GLYR1: variants seen among roughly 807,000 people sequenced by gnomAD.
The protein encoded by GLYR1 is cytokine-like nuclear factor N-PAC.
A neutral mutation model predicts 72.7 loss-of-function variants in GLYR1; 21 were observed. That is an observed-to-expected ratio of 0.29 (90% CI 0.20 to 0.42). The LOEUF is 0.42. Ranked by LOEUF, GLYR1 falls within the 10% of genes least tolerant of loss-of-function variation. The probability of loss-of-function intolerance (pLI) is 1.00; values close to 1 mark genes in which losing one functional copy is unlikely to be tolerated. For missense variants in GLYR1, 594 were observed against 712.1 expected, an observed-to-expected ratio of 0.83 and a Z score of 1.89; for synonymous variants, 392 against 270.2, an observed-to-expected ratio of 1.45 and a Z score of -4.42.
At chr16:4,840,292 T>A (rs2085455868) in intron 3 of GLYR1, 1 of 152,470 alleles carries the variant, frequency 6.6e-6, no homozygotes, top group African/African-American at 2.4e-5. Context: ...CTTTTCCACA[T>A]TGAAGAGTCC....
chr16:4,824,498 CAA>C (rs142627380), intron 5 of GLYR1, among the ~76,000 whole-genome samples: 11 of 95,126 alleles, frequency 1.2e-4, no homozygotes, highest in Non-Finnish European at 8.2e-5. Context: ...GACTCCATCT[CAA>C]AAAAAAAAAA....
At chr16:4,842,329 C>G (rs780830152) in intron 3 of GLYR1, among the ~76,000 whole-genome samples, 4 of 151,828 alleles carry the variant, frequency 2.6e-5, no homozygotes, top group Non-Finnish European at 5.9e-5. Flanking sequence ...TCATGGCTCT[C>G]CACTGAGCTC....
chr16:4,810,273 G>C (rs2083250303), intron 15 of GLYR1, among the ~76,000 whole-genome samples: 1 of 127,912 alleles, frequency 7.8e-6, no homozygotes, highest in Admixed American at 8.9e-5. Flanking sequence ...GAGGCAGGTG[G>C]CTCTCCTGAG....
At position 4,804,541 on chromosome 16, in the gene GLYR1, T is replaced by G. The variant is rs1038757528; in HGVS notation, c.*695A>C. On this transcript the variant is annotated 3_prime_UTR_variant, in exon 16 of 16. Coordinates refer to ENST00000321919, the MANE Select transcript of GLYR1 (RefSeq NM_032569.4). ...GCTCACCTGCAGGCCGGCTGCTTGC[T>G]GCACTCCCTGGAAAGCCAGGGCCCC... 1 of 152,812 alleles carries G rather than the reference T, an allele frequency of 6.5e-6. No homozygotes were observed. The highest frequency in any genetic ancestry group is 1.5e-5 in the Non-Finnish European group (1 of 68,204). The allele number at this position is 152,812 out of a possible 1,614,324, so 9.5% of individuals were successfully genotyped here.
At chr16:4,817,892 A>T (rs2083750562) in intron 9 of GLYR1, 195 bp from the exon 10 acceptor site, 1 of 566,908 alleles carries the variant, frequency 1.8e-6, no homozygotes, top group East Asian at 3.0e-5. Context: ...CCATGGTCTA[A>T]AGCTGTCCCA....
chr16:4,843,738 A>AT, intron 3 of GLYR1: 4 of 897,604 alleles, frequency 4.5e-6, no homozygotes, highest in Non-Finnish European at 4.5e-6. Context: ...AGCCACAGAC[A>AT]TTTTTTTCAA....
intron 12 of GLYR1, among the ~76,000 whole-genome samples, chr16:4,812,789 C>T (rs2083397214): frequency 1.3e-5 from 2 of 150,038 alleles, no homozygotes; most frequent in South Asian, 4.2e-4. Flanking sequence ...CCACGCCTGG[C>T]CGGAATTTTT....
rs199741246 is a variant in GLYR1 at position 4,822,918 on chromosome 16, G to A, written c.638C>T (p.Ala213Val). The change falls in exon 7 of 16, where the codon GCA (alanine) becomes GTA (valine). Residue 213 changes from alanine to valine, a missense_variant. Physicochemically the swap from Ala to Val is moderately conservative, Grantham distance 64 (BLOSUM62 0). Around this residue, in one of 5 missense-constraint regions of GLYR1, gnomAD observed 252 missense variants for 211.3 expected, o/e 1.19. Transcript: ENST00000321919. ...QPTASEPVKD[A>V]DPHFHHFLLS... ...CAGGAAATGATGGAAATGAGGATCT[G>A]CATCTTTAACAGGCTGAAACCAGAA... The A allele has an allele frequency of 1.4e-5, 23 of 1,614,072 alleles. No individual in the cohort carries two copies. In the East Asian group the frequency reaches 4.5e-4, roughly 31 times the overall value.
At position 4,814,537 on chromosome 16, in the gene GLYR1, G is replaced by C; in HGVS notation, c.1017C>G (p.Asp339Glu). ...CTGAGGGGAGGGAGGGGGTCCTTAC[G>C]TCCTTGGCCGCCTTGGGATCCGACA... ...ACVSDPKAAK[D>E]LVLGPSGVLQ... Residue 339 changes from aspartate (D) to glutamate (E), a missense_variant and splice_region_variant, in exon 11 of 16, where the codon GAC (aspartate) becomes GAG (glutamate). By Grantham distance (45) the Asp-to-Glu change is conservative. Coordinates refer to ENST00000321919, the MANE Select transcript of GLYR1 (RefSeq NM_032569.4). 2 of 1,612,706 alleles carry C rather than the reference G, an allele frequency of 1.2e-6. No homozygotes were observed. Among genetic ancestry groups the C allele is most frequent in the Non-Finnish European group, 8.5e-7 (1 of 1,179,492 alleles).
Position 4,821,317 on chromosome 16 carries a change from T to A in GLYR1, c.806+63A>T, listed in dbSNP as rs896431122. Reference sequence around the variant, plus strand: ...CAACCCTTAAAGAACCCCCCTGGGGTCACCTTCTCCCCACCCTCAGCAGAA... The same window carrying A: ...CAACCCTTAAAGAACCCCCCTGGGGACACCTTCTCCCCACCCTCAGCAGAA... On this transcript the variant is annotated intron_variant, in intron 9 of 15. Transcript: ENST00000321919. 6 of 1,550,306 alleles carry A rather than the reference T, an allele frequency of 3.9e-6. No individual in the cohort carries two copies. In the Admixed American group the frequency reaches 8.3e-5, roughly 22 times the overall value.
At chr16:4,845,029 C>A (rs373904103) in intron 3 of GLYR1, 45 bp downstream of exon 3, 1 of 1,308,822 alleles carries the variant, frequency 7.6e-7, no homozygotes, top group South Asian at 1.2e-5. Flanking sequence ...CTCCAGGTAA[C>A]ACAGAAAGAA....
At chr16:4,823,760 G>C in intron 6 of GLYR1, 61 bp downstream of exon 6, 1 of 1,014,796 alleles carries the variant, frequency 9.9e-7, no homozygotes, top group East Asian at 2.6e-5. Flanking sequence ...AAAAAAAAAA[G>C]GATCACACAG....
At chr16:4,840,472 G>A (rs916615943) in intron 3 of GLYR1, 2 of 152,194 alleles carry the variant, frequency 1.3e-5, no homozygotes, top group Admixed American at 6.5e-5. Context: ...GGTAAAAAGA[G>A]CAAACCTGGC....
intron 11 of GLYR1, 108 bp downstream of exon 11, chr16:4,814,429 C>A (rs2083499522): frequency 2.5e-6 from 2 of 807,138 alleles, no homozygotes; most frequent in South Asian, 1.4e-5. Context: ...GGAAATTCAG[C>A]CCCCCACATG....
At chr16:4,813,073 C>T (rs1188656366) in intron 12 of GLYR1, among the ~76,000 whole-genome samples, 1 of 152,086 alleles carries the variant, frequency 6.6e-6, no homozygotes, top group Admixed American at 6.6e-5. Flanking sequence ...TGCCGCTCTC[C>T]TGCCTCAGCC....
chr16:4,840,916 A>G (rs920407488), intron 3 of GLYR1, among the ~76,000 whole-genome samples: 1 of 152,206 alleles, frequency 6.6e-6, no homozygotes, highest in Non-Finnish European at 1.5e-5. Context: ...ATCACTAAGG[A>G]AGTGTTCCTT....
intron 3 of GLYR1, among the ~76,000 whole-genome samples, chr16:4,841,292 G>A (rs138607833): frequency 2.6e-5 from 4 of 151,686 alleles, no homozygotes; most frequent in Non-Finnish European, 4.4e-5. Context: ...TATAAACAAG[G>A]ATCACAGTTT....
intron 4 of GLYR1, 90 bp from the exon 5 acceptor site, chr16:4,832,311 G>T: frequency 6.6e-7 from 1 of 1,506,652 alleles, no homozygotes. Flanking sequence ...GCTGCTACAG[G>T]CACTCTGTGT....
At chr16:4,843,407 G>A (rs1231709849) in intron 3 of GLYR1, 30 of 1,091,652 alleles carry the variant, frequency 2.7e-5, no homozygotes, top group Middle Eastern at 3.5e-4. Context: ...CACCCACCTT[G>A]GCCTCCCAAA....
Sources: gnomAD v4.1 joint callset for allele counts (sites outside exome capture counted in the v4.1 genomes callset) on GRCh38, gnomAD v4.1.1 for gene constraint, gnomAD v4.1.1 regional missense constraint, MANE v1.5 for transcripts, NCBI Gene and HGNC (gene_info 2026-07-23, HGNC 2026-07-21) for gene names.